Variants in PPARGC1A observed in about 807,000 individuals in gnomAD.
PPARGC1A encodes the protein PPARG coactivator 1 alpha.
Under a neutral mutation model 88.7 loss-of-function variants are expected in PPARGC1A, and 25 were observed. The ratio of observed to expected loss-of-function variants is 0.28; its 90% CI spans 0.21 to 0.39. PPARGC1A has a LOEUF of 0.39. Ranked by LOEUF, PPARGC1A falls within the 10% of genes least tolerant of loss-of-function variation. The pLI is 1.00. For missense variants in PPARGC1A, 880 were observed against 968.7 expected, an observed-to-expected ratio of 0.91 and a Z score of 1.22; for synonymous variants, 363 against 355.6, an observed-to-expected ratio of 1.02 and a Z score of -0.24.
At chr4:24,110,557 A>G in the PPARGC1A span, among the ~76,000 whole-genome samples, 2 of 152,182 alleles carry the variant, frequency 1.3e-5, no homozygotes, top group Non-Finnish European at 2.9e-5. Flanking sequence ...TTGGTAGCCA[A>G]ATAGGCATCT....
the PPARGC1A span, among the ~76,000 whole-genome samples, chr4:24,025,500 A>G: frequency 2.0e-5 from 3 of 151,896 alleles, no homozygotes; most frequent in Admixed American, 6.6e-5. Flanking sequence ...AGAATCACAG[A>G]TCTGTTCCCT....
chr4:24,220,709 A>G, the PPARGC1A span, among the ~76,000 whole-genome samples: 1 of 152,334 alleles, frequency 6.6e-6, no homozygotes, highest in Middle Eastern at 3.4e-3. Flanking sequence ...AACAATAAAC[A>G]CTAAAGATTC....
rs577198058 is a variant in PPARGC1A, at chr4:23,859,776, G to A, written c.234+24976C>T. ...AGCCTGGGAGAGAGTGCAAGACACC[G>A]TCTCAAAATAAAATAAAATAAAATA... On this transcript the variant is annotated intron_variant, in intron 2 of 12. Coordinates refer to ENST00000264867, the MANE Select transcript of PPARGC1A (RefSeq NM_013261.5). Among the ~76,000 whole-genome samples the A allele has an allele frequency of 6.7e-4, 95 of 140,782 alleles. 2 individuals carry two copies. The East Asian group carries it at 0.01, about 15-fold the overall frequency. 92.4% of individuals were successfully genotyped at this position (140,782 alleles called of 152,430 possible). A position where few individuals can be genotyped will look rare whatever the true frequency, so the allele number is the denominator to read the frequency against.
At chr4:24,410,186 C>T in the PPARGC1A span, among the ~76,000 whole-genome samples, 1 of 152,070 alleles carries the variant, frequency 6.6e-6, no homozygotes, top group African/African-American at 2.4e-5. Context: ...ATAAAATAAT[C>T]TAAGAAGTCA....
chr4:24,169,595 C>G, the PPARGC1A span, among the ~76,000 whole-genome samples: 10 of 151,962 alleles, frequency 6.6e-5, no homozygotes, highest in South Asian at 2.1e-4. Context: ...CTCAGCCAAG[C>G]ATGTTGGCTC....
intron 10 of PPARGC1A, among the ~76,000 whole-genome samples, chr4:23,805,491 G>C (rs535968267): frequency 6.6e-6 from 1 of 152,286 alleles, no homozygotes; most frequent in Admixed American, 6.5e-5. Context: ...CTTCCATGTA[G>C]ATTGTATGTC....
At chr4:23,976,456 A>C in the PPARGC1A span, among the ~76,000 whole-genome samples, 1 of 152,148 alleles carries the variant, frequency 6.6e-6, no homozygotes, top group Non-Finnish European at 1.5e-5. Flanking sequence ...AAGTTTGATG[A>C]TATCTTTTCA....
chr4:24,096,278 T>C, the PPARGC1A span, among the ~76,000 whole-genome samples: 1 of 152,228 alleles, frequency 6.6e-6, no homozygotes, highest in South Asian at 2.1e-4. Context: ...CCTGCATAAC[T>C]GAGAGTCAAT....
chr4:24,315,697 A>C, the PPARGC1A span, among the ~76,000 whole-genome samples: 1 of 152,208 alleles, frequency 6.6e-6, no homozygotes, highest in Admixed American at 6.5e-5. Context: ...ACTGGCATCT[A>C]GTGGGTAGAA....
At chr4:24,047,051 T>C in the PPARGC1A span, among the ~76,000 whole-genome samples, 1 of 152,186 alleles carries the variant, frequency 6.6e-6, no homozygotes, top group Non-Finnish European at 1.5e-5. Context: ...CATTGAAGAC[T>C]CTGTTTTCTG....
the PPARGC1A span, among the ~76,000 whole-genome samples, chr4:23,999,780 CTG>C: frequency 3.3e-5 from 5 of 152,124 alleles, no homozygotes; most frequent in Non-Finnish European, 5.9e-5. Context: ...AAAAGGCACT[CTG>C]TGATGGGGAG....
At chr4:24,467,198 G>A in the PPARGC1A span, among the ~76,000 whole-genome samples, 9 of 152,122 alleles carry the variant, frequency 5.9e-5, no homozygotes, top group Non-Finnish European at 1.3e-4. Context: ...CTTATTGGAA[G>A]ACCTGCAACA....
the PPARGC1A span, among the ~76,000 whole-genome samples, chr4:23,949,224 C>T: frequency 7.9e-5 from 12 of 152,240 alleles, no homozygotes; most frequent in South Asian, 2.5e-3. Flanking sequence ...TACAATATTA[C>T]CTTCCTGCAA....
chr4:23,967,981 G>A, the PPARGC1A span, among the ~76,000 whole-genome samples: 7 of 152,270 alleles, frequency 4.6e-5, no homozygotes, highest in East Asian at 9.7e-4. Flanking sequence ...GGGAGAGAAT[G>A]TTTCAAGCCC....
chr4:23,794,203 T>G lies in PPARGC1A; in HGVS notation c.*1619A>C, dbSNP rs1717117259. On this transcript the variant is annotated 3_prime_UTR_variant, in exon 13 of 13. Coordinates refer to ENST00000264867, the MANE Select transcript of PPARGC1A (RefSeq NM_013261.5). ...TTTTAAAAAGATTTTTGACTTCTAG[T>G]TTCAAAACTACTGTTGATAGAGAAA... 1 of 152,564 alleles carries G rather than the reference T, an allele frequency of 6.6e-6. No individual in the cohort carries two copies. The highest frequency in any genetic ancestry group is 2.4e-5 in the African/African-American group (1 of 41,440). 9.5% of individuals were successfully genotyped at this position (152,564 alleles called of 1,614,324 possible).
the PPARGC1A span, among the ~76,000 whole-genome samples, chr4:24,049,262 A>AT: frequency 3.4e-5 from 5 of 145,120 alleles, no homozygotes; most frequent in Admixed American, 7.0e-5. Context: ...ATATGTATAT[A>AT]AATACATATA....
chr4:24,266,712 G>T, the PPARGC1A span, among the ~76,000 whole-genome samples: 20 of 152,082 alleles, frequency 1.3e-4, no homozygotes, highest in Non-Finnish European at 1.9e-4. Flanking sequence ...GAATAATGAG[G>T]ACTCCAGGCT....
intron 2 of PPARGC1A, among the ~76,000 whole-genome samples, chr4:23,854,271 G>C (rs1156336541): frequency 1.3e-5 from 2 of 152,082 alleles, no homozygotes; most frequent in Non-Finnish European, 2.9e-5. Context: ...TCCAGGCAAG[G>C]GATTTCTTAT....
intron 2 of PPARGC1A, among the ~76,000 whole-genome samples, chr4:23,871,573 C>T (rs571969830): frequency 2.5e-4 from 38 of 152,148 alleles, no homozygotes; most frequent in Non-Finnish European, 5.4e-4. Context: ...AGCAGGGTGT[C>T]CCCGCTAAGT....
Sources: gnomAD v4.1 joint callset for allele counts (sites outside exome capture counted in the v4.1 genomes callset) on GRCh38, gnomAD v4.1.1 for gene constraint, MANE v1.5 for transcripts, NCBI Gene and HGNC (gene_info 2026-07-23, HGNC 2026-07-21) for gene names.